The following THSD7B variants were observed in gnomAD, a reference collection of about 807,000 sequenced individuals.
THSD7B encodes the protein thrombospondin type-1 domain-containing protein 7B.
Under a neutral mutation model 213.6 loss-of-function variants are expected in THSD7B, and 138 were observed. The ratio of observed to expected loss-of-function variants is 0.65; its 90% CI spans 0.56 to 0.74. The LOEUF is 0.74. Ranked by LOEUF, THSD7B falls within the 30% of genes least tolerant of loss-of-function variation. The pLI, the probability that THSD7B is intolerant of heterozygous loss-of-function variation, is 0.00. For synonymous variants in THSD7B, 742 were observed against 687.0 expected, an observed-to-expected ratio of 1.08 and a Z score of -1.25; for missense variants, 1,931 against 1,991.5, an observed-to-expected ratio of 0.97 and a Z score of 0.58.
chr2:137,632,356 G>A (rs1257885839), intron 20 of THSD7B, among the ~76,000 whole-genome samples: 1 of 152,196 alleles, frequency 6.6e-6, no homozygotes, highest in African/African-American at 2.4e-5. Context: ...AATGTTGCAT[G>A]TTATGTAGTT....
intron 11 of THSD7B, among the ~76,000 whole-genome samples, chr2:137,274,114 A>T (rs12622377): frequency 0.027 from 4,108 of 152,094 alleles, 109 homozygotes; most frequent in Middle Eastern, 0.099. Context: ...GAATTGGATC[A>T]TTGTGCCATT....
At chr2:137,144,678 T>G (rs1679659250) in intron 5 of THSD7B, among the ~76,000 whole-genome samples, 1 of 151,984 alleles carries the variant, frequency 6.6e-6, no homozygotes, top group Non-Finnish European at 1.5e-5. Flanking sequence ...CTGGTGGAAA[T>G]AGATGATCTA....
intron 17 of THSD7B, among the ~76,000 whole-genome samples, chr2:137,583,266 A>AG (rs1681626970): frequency 6.6e-6 from 1 of 152,042 alleles, no homozygotes; most frequent in Non-Finnish European, 1.5e-5. Context: ...AGATTGCAAA[A>AG]ATTTTCTCCC....
chr2:137,336,213 A>C (rs940289291), intron 12 of THSD7B, among the ~76,000 whole-genome samples: 2 of 152,256 alleles, frequency 1.3e-5, no homozygotes, highest in East Asian at 1.9e-4. Context: ...ATAATTTTGT[A>C]TTTATGTCTG....
chr2:137,453,399 G>A (rs528083857), intron 15 of THSD7B, among the ~76,000 whole-genome samples: 11 of 126,404 alleles, frequency 8.7e-5, no homozygotes, highest in African/African-American at 3.1e-4. Context: ...GCATGATCTC[G>A]GCTCACTGCA....
At chr2:136,826,566 C>T (rs1164872128) in intron 1 of THSD7B, among the ~76,000 whole-genome samples, 3 of 152,322 alleles carry the variant, frequency 2.0e-5, no homozygotes, top group Non-Finnish European at 2.9e-5. Context: ...CTCCAAGTCA[C>T]ATTGTCCCAT....
intron 3 of THSD7B, among the ~76,000 whole-genome samples, chr2:137,079,745 A>T (rs900979514): frequency 1.3e-5 from 2 of 152,182 alleles, no homozygotes; most frequent in Non-Finnish European, 2.9e-5. Flanking sequence ...TGGCCTCTTC[A>T]TAGTAGCTTA....
At chr2:137,607,022 A>T (rs1250610738) in intron 17 of THSD7B, among the ~76,000 whole-genome samples, 1 of 152,150 alleles carries the variant, frequency 6.6e-6, no homozygotes, top group Non-Finnish European at 1.5e-5. Context: ...TGTCAGATTT[A>T]GAGTTAATTG....
intron 15 of THSD7B, among the ~76,000 whole-genome samples, chr2:137,497,026 A>T (rs1011910284): frequency 3.3e-5 from 5 of 152,088 alleles, no homozygotes; most frequent in Non-Finnish European, 7.4e-5. Flanking sequence ...CATAATTTTT[A>T]TTTGGTCCTC....
At chr2:137,092,231 G>T (rs1687961685) in intron 3 of THSD7B, among the ~76,000 whole-genome samples, 1 of 152,068 alleles carries the variant, frequency 6.6e-6, no homozygotes, top group Non-Finnish European at 1.5e-5. Context: ...TGGGCAACAT[G>T]ACAAAACCCT....
At chr2:137,059,597 C>A (rs1179928443) in intron 3 of THSD7B, among the ~76,000 whole-genome samples, 1 of 152,008 alleles carries the variant, frequency 6.6e-6, no homozygotes, top group South Asian at 2.1e-4. Context: ...CAAAGTTTTG[C>A]CTTTTTAAAA....
chr2:137,012,019 T>C (rs1402522748), intron 2 of THSD7B, among the ~76,000 whole-genome samples: 1 of 152,190 alleles, frequency 6.6e-6, no homozygotes, highest in Admixed American at 6.6e-5. Context: ...AGTAATGGGT[T>C]GAATTTAGCA....
At chr2:137,344,093 C>A in intron 12 of THSD7B, among the ~76,000 whole-genome samples, 1 of 151,698 alleles carries the variant, frequency 6.6e-6, no homozygotes, top group Non-Finnish European at 1.5e-5. Flanking sequence ...AGAGCAAATC[C>A]TATTGTCAGC....
chr2:137,603,190 A>G (rs954927650), intron 17 of THSD7B, among the ~76,000 whole-genome samples: 6 of 152,168 alleles, frequency 3.9e-5, no homozygotes, highest in Admixed American at 1.3e-4. Context: ...ACCACTTTGT[A>G]TTTGTAGAAT....
intron 3 of THSD7B, among the ~76,000 whole-genome samples, chr2:137,089,270 GTGTGTATATGTATATATACATATATA>G (rs1687902215): frequency 6.9e-6 from 1 of 145,010 alleles, no homozygotes; most frequent in African/African-American, 2.7e-5. Flanking sequence ...GTGTGTGTGT[GTGTGTATATGTATATATACATATATA>G]TGTGTGTGTA....
At chr2:136,904,161 T>C (rs1684114676) in intron 2 of THSD7B, among the ~76,000 whole-genome samples, 1 of 152,152 alleles carries the variant, frequency 6.6e-6, no homozygotes, top group Non-Finnish European at 1.5e-5. Context: ...AGCGAGAATA[T>C]TAGGCAACCC....
intron 17 of THSD7B, among the ~76,000 whole-genome samples, chr2:137,599,708 T>C (rs1682039405): frequency 1.3e-5 from 2 of 152,204 alleles, no homozygotes; most frequent in East Asian, 3.8e-4. Context: ...GCAGCATTAT[T>C]CTTTCCTCCC....
intron 7 of THSD7B, among the ~76,000 whole-genome samples, chr2:137,221,202 G>T (rs1681362052): frequency 6.6e-6 from 1 of 152,130 alleles, no homozygotes; most frequent in Admixed American, 6.5e-5. Context: ...CAGGAGAATG[G>T]CTTGAACCCG....
chr2:137,454,458 C>T (rs1274260985), intron 15 of THSD7B, among the ~76,000 whole-genome samples: 3 of 151,638 alleles, frequency 2.0e-5, no homozygotes, highest in Non-Finnish European at 4.4e-5. Flanking sequence ...ATCTATCTAT[C>T]TATCTATCTA....
Sources: gnomAD v4.1 joint callset for allele counts (sites outside exome capture counted in the v4.1 genomes callset) on GRCh38, gnomAD v4.1.1 for gene constraint, MANE v1.5 for transcripts, NCBI Gene and HGNC (gene_info 2026-07-23, HGNC 2026-07-21) for gene names.